The following SLC39A11 variants were observed in gnomAD, a reference collection of about 807,000 sequenced individuals.
SLC39A11 encodes solute carrier family 39 member 11.
SLC39A11 carries 33 observed loss-of-function variants against 36.1 expected under a neutral mutation model. That is an observed-to-expected ratio of 0.91 (90% CI 0.69 to 1.22). The LOEUF (loss-of-function observed/expected upper bound fraction) is 1.22. Ranked by LOEUF, SLC39A11 falls within the 50% of genes most tolerant of loss-of-function variation. The pLI, the probability that SLC39A11 is intolerant of heterozygous loss-of-function variation, is 0.00. For missense variants in SLC39A11, 432 were observed against 430.3 expected (o/e 1.00, Z -0.03); for synonymous variants, 166 against 170.3 (o/e 0.97, Z 0.20).
chr17:72,947,147 A>G (rs1165364341), intron 5 of SLC39A11, among the ~76,000 whole-genome samples: 3 of 152,102 alleles, frequency 2.0e-5, no homozygotes, highest in Non-Finnish European at 4.4e-5. Context: ...TTGGTGAAAC[A>G]CCATCTCTAC....
chr17:72,735,601 T>G (rs1010503473), intron 7 of SLC39A11, among the ~76,000 whole-genome samples: 16 of 152,190 alleles, frequency 1.1e-4, no homozygotes, highest in Admixed American at 4.6e-4. Context: ...TACCTTTAGA[T>G]AGTGCGCGTG....
chr17:72,668,252 G>A (rs2070845061), intron 7 of SLC39A11, among the ~76,000 whole-genome samples: 1 of 151,422 alleles, frequency 6.6e-6, no homozygotes, highest in Non-Finnish European at 1.5e-5. Flanking sequence ...CTGGCTTCTA[G>A]CACATACCTG....
At chr17:72,787,633 T>G (rs1598737504) in intron 6 of SLC39A11, among the ~76,000 whole-genome samples, 1 of 152,284 alleles carries the variant, frequency 6.6e-6, no homozygotes, top group East Asian at 1.9e-4. Flanking sequence ...CTTCAACTTT[T>G]TCTTTCTAAC....
At chr17:72,782,772 G>A (rs998695846) in intron 6 of SLC39A11, among the ~76,000 whole-genome samples, 11 of 150,762 alleles carry the variant, frequency 7.3e-5, no homozygotes, top group Non-Finnish European at 1.2e-4. Context: ...AGGCCAAGGC[G>A]GGTGGATCAC....
chr17:73,084,734 A>C (rs887747941), intron 3 of SLC39A11, 74 bp downstream of exon 3: 1 of 1,509,664 alleles, frequency 6.6e-7, no homozygotes, highest in Non-Finnish European at 9.2e-7. Context: ...GGAGGGACTG[A>C]AGACAGCCCT....
At chr17:72,662,810 AAGAG>A (rs759551395) in intron 7 of SLC39A11, among the ~76,000 whole-genome samples, 35 of 152,156 alleles carry the variant, frequency 2.3e-4, no homozygotes, top group East Asian at 7.7e-4. Context: ...AAAGAGAAGA[AAGAG>A]AGAAAGAAAG....
chr17:72,940,522 T>G (rs2085039155), intron 5 of SLC39A11, among the ~76,000 whole-genome samples: 1 of 152,216 alleles, frequency 6.6e-6, no homozygotes, highest in African/African-American at 2.4e-5. Flanking sequence ...GTGGTCCACC[T>G]GCCTCGGCCT....
At chr17:72,798,108 G>C (rs2076955537) in intron 6 of SLC39A11, among the ~76,000 whole-genome samples, 1 of 152,154 alleles carries the variant, frequency 6.6e-6, no homozygotes, top group Admixed American at 6.5e-5. Flanking sequence ...ATCACTAGGA[G>C]AAGTAGGGTT....
rs545244224 is a variant in SLC39A11, at chr17:72,724,269, C to A, written c.671+12381G>T. On this transcript the variant is annotated intron_variant, in intron 7 of 9. Coordinates refer to ENST00000255559, the MANE Select transcript of SLC39A11 (RefSeq NM_139177.4). The stretch of plus-strand genomic sequence containing the variant: ...AGATGAGGCCCAAGATGATTCATTT[C>A]TCCCTGTTCGCTTCCCAGCCCTCAA... 5.9e-5 allele frequency among the ~76,000 whole-genome samples: 9 copies of A among 152,266 alleles called. No individual in the cohort carries two copies. The South Asian group carries it at 1.9e-3, about 32-fold the overall frequency.
chr17:73,063,688 C>T lies in SLC39A11; in HGVS notation c.147+21120G>A, dbSNP rs1455750210. Among the ~76,000 whole-genome samples, 6 of 152,064 alleles carry T rather than the reference C, an allele frequency of 3.9e-5. No homozygotes were observed. The South Asian group carries it at 8.3e-4, about 21-fold the overall frequency. On this transcript the variant is annotated intron_variant, in intron 3 of 9. Transcript: ENST00000255559. ...TTATTGCAAGGGTCAGATGAGGTAA[C>T]GGATGAGAAAGTGCTTCAAAAAGTA...
At chr17:72,911,961 A>C (rs2083030153) in intron 5 of SLC39A11, among the ~76,000 whole-genome samples, 1 of 152,080 alleles carries the variant, frequency 6.6e-6, no homozygotes, top group African/African-American at 2.4e-5. Context: ...GGAAATTTCT[A>C]ACAAGCAGTT....
chr17:72,802,317 C>T (rs527267827), intron 6 of SLC39A11, among the ~76,000 whole-genome samples: 38 of 152,194 alleles, frequency 2.5e-4, no homozygotes, highest in African/African-American at 8.2e-4. Flanking sequence ...TGGCCAGACA[C>T]GGTAGTACAT....
At chr17:72,973,502 A>G (rs2087613904) in intron 4 of SLC39A11, among the ~76,000 whole-genome samples, 1 of 152,218 alleles carries the variant, frequency 6.6e-6, no homozygotes, top group Non-Finnish European at 1.5e-5. Context: ...AATTATAGGT[A>G]GGCACATTGC....
chr17:72,775,229 G>A (rs931466221), intron 6 of SLC39A11, among the ~76,000 whole-genome samples: 1 of 152,128 alleles, frequency 6.6e-6, no homozygotes, highest in African/African-American at 2.4e-5. Context: ...GCACCACTGA[G>A]GACCCCCTTG....
chr17:72,951,854 C>A (rs1331852808), intron 4 of SLC39A11, among the ~76,000 whole-genome samples: 1 of 152,268 alleles, frequency 6.6e-6, no homozygotes, highest in East Asian at 1.9e-4. Context: ...CCCTTACTTT[C>A]AGGTTTTTGC....
intron 3 of SLC39A11, among the ~76,000 whole-genome samples, chr17:73,070,577 C>T (rs1194547658): frequency 6.6e-6 from 1 of 152,152 alleles, no homozygotes; most frequent in African/African-American, 2.4e-5. Flanking sequence ...ACAGGGGTTC[C>T]CGGCTTTGGC....
chr17:72,768,425 T>C (rs2075824882), intron 6 of SLC39A11, among the ~76,000 whole-genome samples: 1 of 152,322 alleles, frequency 6.6e-6, no homozygotes, highest in African/African-American at 2.4e-5. Flanking sequence ...AATCTTCTCA[T>C]TGTTGTCATT....
intron 6 of SLC39A11, among the ~76,000 whole-genome samples, chr17:72,816,213 C>A (rs1284474419): frequency 6.6e-6 from 1 of 152,178 alleles, no homozygotes; most frequent in Admixed American, 6.5e-5. Flanking sequence ...TGACTATATT[C>A]TTCAGATGGG....
In SLC39A11 at chr17:72,686,412, C is replaced by T. The variant is rs1409428003; in HGVS notation, c.672-37144G>A. Among the ~76,000 whole-genome samples the T allele has an allele frequency of 7.2e-5, 11 of 152,208 alleles. No homozygotes were observed. In the East Asian group the frequency reaches 7.7e-4, roughly 11 times the overall value. On this transcript the variant is annotated intron_variant, in intron 7 of 9. Coordinates refer to ENST00000255559, the MANE Select transcript of SLC39A11 (RefSeq NM_139177.4). Reference sequence around the variant, plus strand: ...CTGCACTTTCAAACAGTGCCTGATTCGGGATCCCACTGCTGTCCCGCTCCA... The same window carrying T: ...CTGCACTTTCAAACAGTGCCTGATTTGGGATCCCACTGCTGTCCCGCTCCA...
Sources: allele counts gnomAD v4.1 joint callset (sites outside exome capture counted in the v4.1 genomes callset), GRCh38; gene constraint gnomAD v4.1.1; transcripts MANE v1.5; gene names NCBI Gene and HGNC (gene_info 2026-07-23, HGNC 2026-07-21).